The following ZDHHC15 variants were observed in gnomAD, a reference collection of about 807,000 sequenced individuals.
ZDHHC15 encodes zDHHC palmitoyltransferase 15, also known as palmitoyltransferase ZDHHC15.
ZDHHC15 carries 19 observed loss-of-function variants against 31.7 expected under a neutral mutation model. That is an observed-to-expected ratio of 0.60 (90% CI 0.42 to 0.88). The LOEUF (loss-of-function observed/expected upper bound fraction) is 0.88, where lower values mean the gene tolerates loss of function less well. Ranked by LOEUF, ZDHHC15 falls within the 40% of genes least tolerant of loss-of-function variation. The pLI is 0.00. For synonymous variants in ZDHHC15, 103 were observed against 90.0 expected, an observed-to-expected ratio of 1.14 and a Z score of -0.82; for missense variants, 209 against 251.2, an observed-to-expected ratio of 0.83 and a Z score of 1.14.
At chrX:75,392,159 T>C (rs1189741066) in intron 10 of ZDHHC15, among the ~76,000 whole-genome samples, 1 of 111,896 alleles carries the variant, frequency 8.9e-6, no homozygotes, top group Non-Finnish European at 1.9e-5. Flanking sequence ...GATCACAAGG[T>C]CTCAAAATAG....
At chrX:75,494,311 A>C (rs893158833) in intron 2 of ZDHHC15, among the ~76,000 whole-genome samples, 44 of 111,947 alleles carry the variant, frequency 3.9e-4, no homozygotes, top group South Asian at 7.6e-4. Flanking sequence ...AGAACATTCC[A>C]TGCTCATGGG....
At chrX:75,456,732 G>A (rs1167173890) in intron 3 of ZDHHC15, among the ~76,000 whole-genome samples, 1 of 110,732 alleles carries the variant, frequency 9.0e-6, no homozygotes, top group African/African-American at 3.3e-5. Context: ...ACAACTACTG[G>A]CAGAATCCTC....
intron 1 of ZDHHC15, among the ~76,000 whole-genome samples, chrX:75,513,480 C>T (rs1463643181): frequency 9.0e-6 from 1 of 111,045 alleles, no homozygotes; most frequent in Non-Finnish European, 1.9e-5. Flanking sequence ...AGAACTGATG[C>T]TTTGTAGTAA....
intron 2 of ZDHHC15, 60 bp downstream of exon 2, chrX:75,505,761 T>C: frequency 8.4e-7 from 1 of 1,185,541 alleles, no homozygotes; most frequent in Non-Finnish European, 1.1e-6. Flanking sequence ...TTATGTTATT[T>C]ACTTTTAGAT....
chrX:75,406,588 C>T (rs2083413472), intron 10 of ZDHHC15, among the ~76,000 whole-genome samples: 1 of 109,094 alleles, frequency 9.2e-6, no homozygotes, highest in East Asian at 2.9e-4. Flanking sequence ...AATAGGAAAA[C>T]CTTGAAGAAA....
chrX:75,472,557 C>A (rs2084519069), intron 3 of ZDHHC15, among the ~76,000 whole-genome samples: 2 of 112,073 alleles, frequency 1.8e-5, no homozygotes, highest in Admixed American at 1.9e-4. Flanking sequence ...TGTGGATGGA[C>A]CTCTCTGAGT....
chrX:75,381,914 C>T (rs766136333), intron 10 of ZDHHC15, among the ~76,000 whole-genome samples: 7 of 111,814 alleles, frequency 6.3e-5, no homozygotes, highest in African/African-American at 1.9e-4. Context: ...CCTTATGTTT[C>T]TCATTCCAAT....
chrX:75,444,569 T>G (rs1299921906), intron 4 of ZDHHC15, among the ~76,000 whole-genome samples: 1 of 99,564 alleles, frequency 1.0e-5, no homozygotes, highest in Non-Finnish European at 2.0e-5. Flanking sequence ...TATACATATG[T>G]AGCAAACCTG....
intron 2 of ZDHHC15, among the ~76,000 whole-genome samples, chrX:75,496,728 G>A (rs183999275): frequency 5.2e-4 from 58 of 111,647 alleles, no homozygotes; most frequent in Admixed American, 1.5e-3. Context: ...CACATACATG[G>A]AAATTAAATA....
At chrX:75,392,570 G>A (rs2083257371) in intron 10 of ZDHHC15, among the ~76,000 whole-genome samples, 1 of 111,855 alleles carries the variant, frequency 8.9e-6, no homozygotes, top group Admixed American at 9.5e-5. Context: ...TTCAAATATA[G>A]ATGATAATAA....
intron 10 of ZDHHC15, among the ~76,000 whole-genome samples, chrX:75,406,244 A>G (rs1569313539): frequency 8.9e-6 from 1 of 111,951 alleles, no homozygotes; most frequent in African/African-American, 3.2e-5. Context: ...ACATCAAAAA[A>G]GTAGAAAGAC....
Position 75,468,294 on chromosome X carries a change from C to T in ZDHHC15, c.258+10597G>A, listed in dbSNP as rs2084446115. ...TCCCGACCTCAGGTGATCCGCCTGC[C>T]TCGGCCTCTCAAAGTGCTGGGATTA... On this transcript the variant is annotated intron_variant, in intron 3 of 11. Coordinates refer to ENST00000373367, the MANE Select transcript of ZDHHC15 (RefSeq NM_144969.3). Among the ~76,000 whole-genome samples, 3 of 111,305 alleles carry T rather than the reference C, an allele frequency of 2.7e-5. No individual in the cohort carries two copies. The South Asian group carries it at 1.1e-3, about 42-fold the overall frequency.
At chrX:75,513,722 T>C (rs73494482) in intron 1 of ZDHHC15, among the ~76,000 whole-genome samples, 2,024 of 111,512 alleles carry the variant, frequency 0.018, 56 homozygotes, top group African/African-American at 0.062. Flanking sequence ...AAAAACTTCA[T>C]ACATTTGGTA....
At chrX:75,424,400 A>C (rs781265963) in intron 8 of ZDHHC15, among the ~76,000 whole-genome samples, 1 of 111,659 alleles carries the variant, frequency 9.0e-6, no homozygotes, top group East Asian at 2.8e-4. Context: ...CCCAGTATGC[A>C]CTATAAAGAA....
intron 7 of ZDHHC15, 24 bp downstream of exon 7, chrX:75,429,054 C>T: frequency 8.3e-7 from 1 of 1,204,776 alleles, no homozygotes; most frequent in Non-Finnish European, 1.1e-6. Context: ...TTCTAGGGGA[C>T]CCTTCAGGAT....
At chrX:75,380,462 T>A (rs745882893) in intron 10 of ZDHHC15, among the ~76,000 whole-genome samples, 1 of 111,641 alleles carries the variant, frequency 9.0e-6, no homozygotes, top group African/African-American at 3.3e-5. Flanking sequence ...TTTTACCTTT[T>A]CGTACTGCAA....
In ZDHHC15 at chrX:75,450,943, T is replaced by C. The variant is rs377686819; in HGVS notation, c.259-21A>G. ...TGGAACTGGAAGCAGGAGTGAAAGG[T>C]AAGACTTTATTATCTAAAGTTAATA... On this transcript the variant is annotated intron_variant, in intron 3 of 11. Coordinates refer to ENST00000373367, the MANE Select transcript of ZDHHC15 (RefSeq NM_144969.3). 8.9e-5 allele frequency: 106 copies of C among 1,193,950 alleles called. No homozygotes were observed. The African/African-American group carries it at 1.7e-3, about 20-fold the overall frequency.
chrX:75,383,628 T>C (rs1003388793), intron 10 of ZDHHC15, among the ~76,000 whole-genome samples: 1 of 111,235 alleles, frequency 9.0e-6, no homozygotes, highest in Non-Finnish European at 1.9e-5. Flanking sequence ...ACAAACTTTA[T>C]AGTTCTATTC....
rs2147739984 is a variant in ZDHHC15 at position 75,371,598 on chromosome X, T to C, written c.*1380A>G. The C allele has an allele frequency of 8.9e-6, 1 of 111,745 alleles. No individual in the cohort carries two copies. The highest frequency in any genetic ancestry group is 1.9e-5 in the Non-Finnish European group (1 of 53,151). The allele number at this position is 111,745 out of a possible 1,213,427, so 9.2% of individuals were successfully genotyped here. A position where few individuals can be genotyped will look rare whatever the true frequency, so the allele number is the denominator to read the frequency against. Reference sequence around the variant, plus strand: ...TTACTCAAACATATTTCAGGGAAGATAAATTAGTAAGCCAAACCATCCCTC... The same window carrying C: ...TTACTCAAACATATTTCAGGGAAGACAAATTAGTAAGCCAAACCATCCCTC... On this transcript the variant is annotated 3_prime_UTR_variant, in exon 12 of 12. Transcript: ENST00000373367.
Sources: allele counts gnomAD v4.1 joint callset (sites outside exome capture counted in the v4.1 genomes callset), GRCh38; gene constraint gnomAD v4.1.1; transcripts MANE v1.5; gene names NCBI Gene and HGNC (gene_info 2026-07-23, HGNC 2026-07-21).